The following CREB5 variants were observed in gnomAD, a reference collection of about 807,000 sequenced individuals.
The protein encoded by CREB5 is cAMP responsive element binding protein 5, also known as cyclic AMP-responsive element-binding protein 5.
A neutral mutation model predicts 57.1 loss-of-function variants in CREB5; 19 were observed. The ratio of observed to expected loss-of-function variants is 0.33; its 90% CI spans 0.23 to 0.49. The LOEUF is 0.49. Among genes scored for constraint, CREB5 ranks in the 20% least tolerant of loss-of-function variants. The pLI is 0.99. For synonymous variants in CREB5, 238 were observed against 238.3 expected, an observed-to-expected ratio of 1.00 and a Z score of 0.01; for missense variants, 579 against 671.6, an observed-to-expected ratio of 0.86 and a Z score of 1.52.
intron 7 of CREB5, among the ~76,000 whole-genome samples, chr7:28,726,287 CT>C (rs1803334477): frequency 6.6e-6 from 1 of 152,126 alleles, no homozygotes; most frequent in African/African-American, 2.4e-5. Flanking sequence ...ACCTCTACCC[CT>C]GTTATTGCCA....
intron 7 of CREB5, among the ~76,000 whole-genome samples, chr7:28,782,671 C>T (rs76447206): frequency 0.011 from 1,610 of 152,070 alleles, 61 homozygotes; most frequent in Admixed American, 0.075. Context: ...TTGGAATGCA[C>T]GTGTTGGAAA....
chr7:28,720,305 T>C (rs1802954657), intron 6 of CREB5, among the ~76,000 whole-genome samples: 1 of 152,246 alleles, frequency 6.6e-6, no homozygotes, highest in South Asian at 2.1e-4. Context: ...TTTTAGCATT[T>C]TAAGAAATTG....
At chr7:28,798,325 A>G (rs1029914463) in intron 7 of CREB5, among the ~76,000 whole-genome samples, 8 of 151,042 alleles carry the variant, frequency 5.3e-5, no homozygotes, top group Non-Finnish European at 1.2e-4. Context: ...AAATGTTTCT[A>G]ATTGGCATGA....
At chr7:28,326,870 C>T (rs113415649) in intron 1 of CREB5, among the ~76,000 whole-genome samples, 33 of 152,192 alleles carry the variant, frequency 2.2e-4, no homozygotes, top group African/African-American at 5.5e-4. Flanking sequence ...AGGCTGGGTG[C>T]GGTGGCTCAT....
At chr7:28,551,891 CTTTCTTTCTCTTTTCT>C (rs1268825286) in intron 4 of CREB5, among the ~76,000 whole-genome samples, 4 of 136,170 alleles carry the variant, frequency 2.9e-5, no homozygotes, top group Non-Finnish European at 3.3e-5. Context: ...TCTTTTCTTT[CTTTCTTTCTCTTTTCT>C]TTTCTTTCTC....
intron 2 of CREB5, among the ~76,000 whole-genome samples, chr7:28,491,575 C>G (rs1378785039): frequency 1.3e-5 from 2 of 152,076 alleles, no homozygotes; most frequent in Non-Finnish European, 2.9e-5. Flanking sequence ...CCAAGCTTCC[C>G]CCACTTCAGA....
chr7:28,795,783 T>C (rs1444283657), intron 7 of CREB5, among the ~76,000 whole-genome samples: 1 of 149,676 alleles, frequency 6.7e-6, no homozygotes, highest in Admixed American at 6.7e-5. Context: ...GACAGTATCT[T>C]GCTCTGTTGC....
chr7:28,435,752 A>T lies in CREB5; in HGVS notation c.3+22835A>T, dbSNP rs1221676167. The stretch of plus-strand genomic sequence containing the variant: ...AACCAAACACTCAGATGTAAATTAC[A>T]TTTGGCTGGAAGAAGATGCTCTGGT... On this transcript the variant is annotated intron_variant, in intron 1 of 10. Transcript: ENST00000357727. 4.9e-6 allele frequency: 4 copies of T among 815,984 alleles called. No individual in the cohort carries two copies. The East Asian group carries it at 5.0e-4, about 102-fold the overall frequency. The allele number at this position is 815,984 out of a possible 1,614,324, so 50.5% of individuals were successfully genotyped here.
intron 7 of CREB5, among the ~76,000 whole-genome samples, chr7:28,769,707 G>A (rs1316737205): frequency 6.6e-6 from 1 of 152,070 alleles, no homozygotes. Flanking sequence ...GTAATTTTTT[G>A]TCCTTATAGG....
intron 1 of CREB5, among the ~76,000 whole-genome samples, chr7:28,353,185 G>C (rs946593571): frequency 2.6e-5 from 4 of 152,258 alleles, no homozygotes; most frequent in African/African-American, 9.6e-5. Context: ...CGCCTCCCAG[G>C]TTCAAGTGAT....
intron 5 of CREB5, among the ~76,000 whole-genome samples, chr7:28,717,919 A>G (rs879584590): frequency 6.6e-6 from 1 of 152,260 alleles, no homozygotes; most frequent in Admixed American, 6.5e-5. Context: ...CATTTTTAAT[A>G]AACACAAATA....
intron 5 of CREB5, among the ~76,000 whole-genome samples, chr7:28,687,833 G>A (rs1310707292): frequency 6.6e-6 from 1 of 152,080 alleles, no homozygotes; most frequent in Non-Finnish European, 1.5e-5. Flanking sequence ...TGATGTGTGA[G>A]GAGGCCTGAG....
At chr7:28,626,012 C>T (rs1033379738) in intron 5 of CREB5, among the ~76,000 whole-genome samples, 4 of 152,154 alleles carry the variant, frequency 2.6e-5, no homozygotes, top group African/African-American at 4.8e-5. Flanking sequence ...GAAAAGTTTA[C>T]GATAATGATA....
At chr7:28,656,671 G>A (rs201382716) in intron 5 of CREB5, among the ~76,000 whole-genome samples, 2 of 152,162 alleles carry the variant, frequency 1.3e-5, no homozygotes, top group Admixed American at 1.3e-4. Flanking sequence ...CAGGAAAAGG[G>A]GCTGAGGAGT....
chr7:28,718,771 A>G lies in CREB5; in HGVS notation c.483A>G (p.Leu161=), dbSNP rs750517357. The change falls in exon 6 of 11, where the codon CTA becomes CTG. Residue 161 remains leucine (L), a synonymous_variant. Transcript: ENST00000357727. ...GTCCCAGGCCTGTCCCAGGCTCTCT[A>G]TCTTCTCTGCTACATCTCCACAACA... ...NRQIGPVPGS[L]SSLLHLHNRQ... The G allele has an allele frequency of 1.5e-5, 24 of 1,613,806 alleles. No individual in the cohort carries two copies. The highest frequency in any genetic ancestry group is 2.2e-5 in the South Asian group (2 of 91,082).
chr7:28,305,415 C>T (rs926841238), intron 1 of CREB5, among the ~76,000 whole-genome samples: 10 of 152,200 alleles, frequency 6.6e-5, no homozygotes, highest in Non-Finnish European at 1.5e-4. Context: ...CTGTTTCCTT[C>T]GACATCAGTG....
intron 1 of CREB5, among the ~76,000 whole-genome samples, chr7:28,397,860 G>C (rs1787370992): frequency 1.3e-5 from 2 of 152,166 alleles, no homozygotes; most frequent in Non-Finnish European, 2.9e-5. Flanking sequence ...AGCATAGAGA[G>C]GGAGGTGTAT....
intron 4 of CREB5, among the ~76,000 whole-genome samples, chr7:28,538,301 G>A (rs551021732): frequency 3.4e-4 from 52 of 152,196 alleles, no homozygotes; most frequent in African/African-American, 1.1e-3. Context: ...TGATCTGCCC[G>A]CTTCGGCCTC....
At chr7:28,431,832 T>C (rs1788723349) in intron 1 of CREB5, among the ~76,000 whole-genome samples, 1 of 152,094 alleles carries the variant, frequency 6.6e-6, no homozygotes, top group African/African-American at 2.4e-5. Flanking sequence ...GTGGGCAGAA[T>C]GTGGTGGACA....
Sources: allele counts gnomAD v4.1 joint callset (sites outside exome capture counted in the v4.1 genomes callset), GRCh38; gene constraint gnomAD v4.1.1; transcripts MANE v1.5; gene names NCBI Gene and HGNC (gene_info 2026-07-23, HGNC 2026-07-21).